Variants in WDR26 observed in about 807,000 individuals in gnomAD.
The protein encoded by WDR26 is WD repeat domain 26, also known as WD repeat-containing protein 26.
In WDR26, 5 loss-of-function variants were observed where a neutral mutation model predicts 84.1. The ratio of observed to expected loss-of-function variants is 0.06; its 90% confidence interval spans 0.03 to 0.13. The LOEUF (loss-of-function observed/expected upper bound fraction) is 0.13. Ranked by LOEUF, WDR26 falls within the 10% of genes least tolerant of loss-of-function variation. WDR26 has a pLI of 1.00. For synonymous variants in WDR26, 415 were observed against 389.6 expected (o/e 1.07, Z -0.77); for missense variants, 642 against 974.9 (o/e 0.66, Z 4.55).
intron 3 of WDR26, among the ~76,000 whole-genome samples, chr1:224,427,411 C>T (rs1674261823): frequency 6.6e-6 from 1 of 152,070 alleles, no homozygotes; most frequent in Admixed American, 6.6e-5. Context: ...CGCTATTTCT[C>T]CCTTATTTTC....
chr1:224,394,097 G>T, intron 12 of WDR26, 84 bp from the exon 13 acceptor site: 1 of 1,042,202 alleles, frequency 9.6e-7, no homozygotes. Context: ...CTACACACAG[G>T]ACTCTTTACT....
chr1:224,427,471 T>G (rs1248676217), intron 3 of WDR26, among the ~76,000 whole-genome samples: 6 of 151,684 alleles, frequency 4.0e-5, no homozygotes, highest in Non-Finnish European at 8.8e-5. Flanking sequence ...GGGGCAGAGG[T>G]GGGGCAGGAG....
At chr1:224,404,278 T>C (rs1369960252) in intron 8 of WDR26, 152 bp downstream of exon 8, 1 of 845,818 alleles carries the variant, frequency 1.2e-6, no homozygotes, top group Non-Finnish European at 1.6e-6. Context: ...TTGATAAATC[T>C]GGAAACTTGG....
chr1:224,421,583 C>T (rs1674064483), intron 4 of WDR26, among the ~76,000 whole-genome samples: 1 of 151,784 alleles, frequency 6.6e-6, no homozygotes, highest in Non-Finnish European at 1.5e-5. Context: ...GAGAGAGACT[C>T]TGTCTCAAAA....
chr1:224,404,650 A>G, intron 7 of WDR26, 80 bp from the exon 8 acceptor site: 1 of 1,493,550 alleles, frequency 6.7e-7, no homozygotes, highest in Non-Finnish European at 9.0e-7. Flanking sequence ...AAATAGCTAC[A>G]AAGATGTACT....
intron 7 of WDR26, among the ~76,000 whole-genome samples, chr1:224,407,870 T>A (rs1413256237): frequency 6.6e-6 from 1 of 152,078 alleles, no homozygotes; most frequent in Non-Finnish European, 1.5e-5. Context: ...AAAAATACCA[T>A]CATACCAAAA....
In WDR26 at chr1:224,434,218, G is replaced by A; in HGVS notation, c.188C>T (p.Ser63Phe). The A allele has an allele frequency of 7.2e-7, 1 of 1,398,570 alleles. No homozygotes were observed. The highest frequency in any genetic ancestry group is 9.3e-7 in the Non-Finnish European group (1 of 1,080,826). The allele number at this position is 1,398,570 out of a possible 1,614,324, so 86.6% of individuals were successfully genotyped here. Residue 63 changes from serine (S) to phenylalanine (F), a missense_variant, in exon 1 of 14, where the codon TCC becomes TTC. Coordinates refer to ENST00000414423, the MANE Select transcript of WDR26 (RefSeq NM_001379403.1). The stretch of plus-strand genomic sequence containing the variant: ...CACTACCACCACGGAGGAGGAGGAG[G>A]AGGAGGAGGACGAGGACGACGAGGA...
chr1:224,431,539 G>A lies in WDR26; in HGVS notation c.865C>T (p.Pro289Ser). ...GCGCCTCTTACCACAATAGCATGAG[G>A]AGAATGCACTAAAGGCTTTAGTTCA... The change falls in exon 3 of 14, where the codon CCT (proline) becomes TCT (serine). Residue 289 changes from proline (P) to serine (S), a missense_variant. By Grantham distance (74) the Pro-to-Ser change is moderately conservative. Transcript: ENST00000414423. 1 of 1,614,044 alleles carries A rather than the reference G, an allele frequency of 6.2e-7. No individual in the cohort carries two copies. The highest frequency in any genetic ancestry group is 8.5e-7 in the Non-Finnish European group (1 of 1,179,968).
rs1376340391 is a variant in WDR26, at chr1:224,385,446, ATC to A, written c.*4387_*4388del. 2.0e-5 allele frequency: 3 copies of A among 152,594 alleles called. No individual in the cohort carries two copies. Among genetic ancestry groups the A allele is most frequent in the Non-Finnish European group, 4.4e-5 (3 of 68,042 alleles). The allele number at this position is 152,594 out of a possible 1,614,324, so 9.5% of individuals were successfully genotyped here. On this transcript the variant is annotated 3_prime_UTR_variant, in exon 14 of 14. Coordinates refer to ENST00000414423, the MANE Select transcript of WDR26 (RefSeq NM_001379403.1). ...AAGAAATTTAAACTAAGTAAATATA[ATC>A]TGAGAGGCAGTTAAAAAAACAAAAA...
chr1:224,431,311 G>T (rs1281379017), intron 3 of WDR26, 166 bp downstream of exon 3: 2 of 573,974 alleles, frequency 3.5e-6, no homozygotes, highest in African/African-American at 1.9e-5. Flanking sequence ...TGATTTTAAA[G>T]AAATAAAACT....
chr1:224,408,305 C>T (rs1262983506), intron 7 of WDR26, among the ~76,000 whole-genome samples: 1 of 152,172 alleles, frequency 6.6e-6, no homozygotes, highest in Non-Finnish European at 1.5e-5. Context: ...CCTAGCTTTG[C>T]TGTTCCAGTA....
chr1:224,389,743 G>T lies in WDR26; in HGVS notation c.*92C>A. On this transcript the variant is annotated 3_prime_UTR_variant, in exon 14 of 14. Transcript: ENST00000414423. ...TTTTCATGACGAGCATGTCTGTCCA[G>T]CTATCAATCATGTTTGTTTGCACCA... 7.9e-7 allele frequency: 1 copy of T among 1,266,492 alleles called. No homozygotes were observed. Among genetic ancestry groups the T allele is most frequent in the Non-Finnish European group, 1.2e-6 (1 of 868,156 alleles). 78.5% of individuals were successfully genotyped at this position (1,266,492 alleles called of 1,614,324 possible). A position where few individuals can be genotyped will look rare whatever the true frequency, so the allele number is the denominator to read the frequency against.
chr1:224,411,342 A>G, intron 7 of WDR26, 85 bp downstream of exon 7: 2 of 1,413,684 alleles, frequency 1.4e-6, no homozygotes, highest in South Asian at 3.2e-5. Flanking sequence ...CTATTGATAC[A>G]TATATACTTA....
rs1490482782 is a variant in WDR26 at position 224,434,577 on chromosome 1, C to T, written c.-172G>A. 4.2e-6 allele frequency: 2 copies of T among 474,212 alleles called. No homozygotes were observed. The highest frequency in any genetic ancestry group is 5.5e-6 in the Non-Finnish European group (2 of 366,334). The allele number at this position is 474,212 out of a possible 1,614,324, so 29.4% of individuals were successfully genotyped here. A position where few individuals can be genotyped will look rare whatever the true frequency, so the allele number is the denominator to read the frequency against. The stretch of plus-strand genomic sequence containing the variant: ...AAGGAGGATCCGGGCCCTTTCCCCC[C>T]CCCCTCCCGGAGGCAGCTCGGGGTG... On this transcript the variant is annotated 5_prime_UTR_variant, in exon 1 of 14. Coordinates refer to ENST00000414423, the MANE Select transcript of WDR26 (RefSeq NM_001379403.1).
At chr1:224,431,379 T>G in intron 3 of WDR26, 98 bp downstream of exon 3, 1 of 1,053,314 alleles carries the variant, frequency 9.5e-7, no homozygotes. Context: ...TTTAACTACT[T>G]TTAGGCCTTA....
At chr1:224,404,006 A>G (rs1247190455) in intron 8 of WDR26, among the ~76,000 whole-genome samples, 2 of 152,232 alleles carry the variant, frequency 1.3e-5, no homozygotes, top group Non-Finnish European at 2.9e-5. Flanking sequence ...AACATCAGTT[A>G]GCTTCACTAA....
chr1:224,425,096 AATGAACT>A (rs1674171503), intron 3 of WDR26, among the ~76,000 whole-genome samples: 1 of 152,204 alleles, frequency 6.6e-6, no homozygotes, highest in South Asian at 2.1e-4. Context: ...AAAAATAGCA[AATGAACT>A]ATTTAAGTCA....
chr1:224,393,804 A>AG (rs1380344683), intron 13 of WDR26, 24 bp downstream of exon 13: 6 of 1,485,364 alleles, frequency 4.0e-6, no homozygotes, highest in Non-Finnish European at 5.5e-6. Flanking sequence ...GACAAAACAT[A>AG]GTAACATTAT....
intron 4 of WDR26, among the ~76,000 whole-genome samples, chr1:224,423,725 T>C (rs1174028872): frequency 6.6e-6 from 1 of 152,188 alleles, no homozygotes; most frequent in Non-Finnish European, 1.5e-5. Flanking sequence ...ACCAGCCTCA[T>C]ACAACTGAGA....
Sources: allele counts gnomAD v4.1 joint callset (sites outside exome capture counted in the v4.1 genomes callset), GRCh38; gene constraint gnomAD v4.1.1; transcripts MANE v1.5; gene names NCBI Gene and HGNC (gene_info 2026-07-23, HGNC 2026-07-21).